The following JMY variants were observed in gnomAD, a reference collection of about 807,000 sequenced individuals.
JMY encodes junction mediating and regulatory protein, p53 cofactor, also known as junction-mediating and -regulatory protein.
A neutral mutation model predicts 103.3 loss-of-function variants in JMY; 46 were observed. The observed-to-expected ratio is 0.45, with a 90% confidence interval of 0.35 to 0.57. JMY has a LOEUF of 0.57. Among genes scored for constraint, JMY ranks in the 20% least tolerant of loss-of-function variants. The pLI, the probability that JMY is intolerant of heterozygous loss-of-function variation, is 0.00. For synonymous variants in JMY, 526 were observed against 489.3 expected (o/e 1.07, Z -0.99); for missense variants, 1,238 against 1,255.2 (o/e 0.99, Z 0.21).
Position 79,299,089 on chromosome 5 carries a change from C to T in JMY, c.1528-1064C>T, listed in dbSNP as rs375217466. On this transcript the variant is annotated intron_variant, in intron 4 of 10. Transcript: ENST00000396137. Reference sequence around the variant, plus strand: ...CTCTTAATAATTTTCCCTTTTGTTCCTCTCGTCTCCTCCTTTGAAGGTCAC... The same window carrying T: ...CTCTTAATAATTTTCCCTTTTGTTCTTCTCGTCTCCTCCTTTGAAGGTCAC... 1.3e-4 allele frequency among the ~76,000 whole-genome samples: 20 copies of T among 152,300 alleles called. 1 individual carries two copies. The highest frequency in any genetic ancestry group is 5.9e-4 in the Admixed American group (9 of 15,302).
intron 1 of JMY, among the ~76,000 whole-genome samples, chr5:79,240,014 T>C (rs1027968926): frequency 1.1e-4 from 16 of 151,682 alleles, no homozygotes; most frequent in Admixed American, 5.3e-4. Flanking sequence ...ATTATACTTT[T>C]TTTCTTTCTT....
intron 10 of JMY, among the ~76,000 whole-genome samples, chr5:79,318,281 C>T (rs1747307117): frequency 1.3e-5 from 2 of 151,860 alleles, no homozygotes; most frequent in South Asian, 4.2e-4. Context: ...TCCCAAAGTG[C>T]TGGGATTACA....
intron 2 of JMY, among the ~76,000 whole-genome samples, chr5:79,286,276 ATCC>A (rs775285156): frequency 2.6e-5 from 4 of 152,218 alleles, no homozygotes; most frequent in Non-Finnish European, 4.4e-5. Flanking sequence ...AAAGACATTA[ATCC>A]ACAACAAAGT....
intron 1 of JMY, among the ~76,000 whole-genome samples, chr5:79,277,379 C>T (rs545487648): frequency 6.6e-6 from 1 of 151,758 alleles, no homozygotes; most frequent in Non-Finnish European, 1.5e-5. Flanking sequence ...GTAATCTTAG[C>T]ACTTTGGGAG....
intron 1 of JMY, among the ~76,000 whole-genome samples, chr5:79,260,013 C>T (rs1208978216): frequency 6.6e-6 from 1 of 152,212 alleles, no homozygotes; most frequent in Non-Finnish European, 1.5e-5. Flanking sequence ...CCCTCAGTGC[C>T]CGACTGTACT....
At chr5:79,293,242 C>T (rs367735884) in intron 4 of JMY, among the ~76,000 whole-genome samples, 39 of 152,086 alleles carry the variant, frequency 2.6e-4, no homozygotes, top group African/African-American at 9.4e-4. Flanking sequence ...TTGCCACAAG[C>T]GTAATACCAT....
chr5:79,246,082 T>C (rs943962144), intron 1 of JMY, among the ~76,000 whole-genome samples: 4 of 152,222 alleles, frequency 2.6e-5, no homozygotes, highest in African/African-American at 9.6e-5. Context: ...TGTGTGTTTA[T>C]CCTTACATCC....
At chr5:79,320,965 A>G (rs1747429979) in intron 10 of JMY, among the ~76,000 whole-genome samples, 1 of 152,234 alleles carries the variant, frequency 6.6e-6, no homozygotes, top group East Asian at 1.9e-4. Context: ...GAAAAATAGT[A>G]CTTACTGTTT....
intron 1 of JMY, among the ~76,000 whole-genome samples, chr5:79,269,091 C>A (rs1430395940): frequency 6.7e-6 from 1 of 149,620 alleles, no homozygotes; most frequent in Non-Finnish European, 1.5e-5. Flanking sequence ...GCTGGATTTT[C>A]TTCCATGTTA....
In JMY at chr5:79,308,901, T is replaced by C. The variant is rs547657935; in HGVS notation, c.1968+2440T>C. ...TCATAAAGATCTTGTACACCTTTTGTAAGATTTATACCTAAGATACCTAAG... is the reference window on the plus strand; with the variant it reads ...TCATAAAGATCTTGTACACCTTTTGCAAGATTTATACCTAAGATACCTAAG... On this transcript the variant is annotated intron_variant, in intron 7 of 10. Coordinates refer to ENST00000396137, the MANE Select transcript of JMY (RefSeq NM_152405.5). 2.8e-3 allele frequency among the ~76,000 whole-genome samples: 434 copies of C among 152,288 alleles called. 1 individual carries two copies. The highest frequency in any genetic ancestry group is 3.9e-3 in the Non-Finnish European group (265 of 68,004).
chr5:79,264,613 T>C (rs1745526279), intron 1 of JMY, among the ~76,000 whole-genome samples: 1 of 152,116 alleles, frequency 6.6e-6, no homozygotes, highest in Admixed American at 6.5e-5. Flanking sequence ...TTAATGGCCA[T>C]TGCATTAAGG....
chr5:79,305,754 T>A lies in JMY; in HGVS notation c.1882-621T>A, dbSNP rs551285521. 8.5e-5 allele frequency among the ~76,000 whole-genome samples: 13 copies of A among 152,336 alleles called. No individual in the cohort carries two copies. In the East Asian group the frequency reaches 1.9e-3, roughly 23 times the overall value. ...TTCCAGGTCTCTTGCAGCTCTTATG[T>A]CTGCGACCAAAAGATTCAGATCTCA... On this transcript the variant is annotated intron_variant, in intron 6 of 10. Transcript: ENST00000396137.
chr5:79,318,804 G>GAGAGAGAGAGA (rs1580377765), intron 10 of JMY, among the ~76,000 whole-genome samples: 1 of 15,608 alleles, frequency 6.4e-5, no homozygotes, highest in African/African-American at 3.5e-4. Flanking sequence ...AGAGAGAGAG[G>GAGAGAGAGAGA]GATGCATATC....
intron 1 of JMY, among the ~76,000 whole-genome samples, chr5:79,254,455 G>GC (rs1278808159): frequency 5.3e-5 from 8 of 152,172 alleles, no homozygotes; most frequent in Non-Finnish European, 7.4e-5. Flanking sequence ...TTTTCTTTCA[G>GC]CACTTTATGT....
At chr5:79,266,993 G>C (rs1345434941) in intron 1 of JMY, among the ~76,000 whole-genome samples, 1 of 152,116 alleles carries the variant, frequency 6.6e-6, no homozygotes, top group African/African-American at 2.4e-5. Flanking sequence ...TGTGTCATCT[G>C]TTTTTAAAAA....
chr5:79,311,724 A>G (rs1283260503), intron 7 of JMY, among the ~76,000 whole-genome samples: 4 of 152,252 alleles, frequency 2.6e-5, no homozygotes, highest in Non-Finnish European at 5.9e-5. Context: ...ACTGCCAAAA[A>G]TAAGCTGTGA....
intron 1 of JMY, among the ~76,000 whole-genome samples, chr5:79,247,944 G>A (rs183846884): frequency 6.6e-6 from 1 of 151,190 alleles, no homozygotes; most frequent in African/African-American, 2.4e-5. Flanking sequence ...TCAGGCTGGA[G>A]TGCAGTGGCA....
chr5:79,263,274 A>G (rs1407059773), intron 1 of JMY, among the ~76,000 whole-genome samples: 1 of 152,248 alleles, frequency 6.6e-6, no homozygotes, highest in East Asian at 1.9e-4. Context: ...CCTAAAAGGA[A>G]GAGGCTGAGG....
chr5:79,250,182 G>A (rs1284293999), intron 1 of JMY, among the ~76,000 whole-genome samples: 1 of 152,154 alleles, frequency 6.6e-6, no homozygotes, highest in Non-Finnish European at 1.5e-5. Context: ...AATGGAAGCT[G>A]GTGCTGTACA....
Sources: gnomAD v4.1 joint callset for allele counts (sites outside exome capture counted in the v4.1 genomes callset) on GRCh38, gnomAD v4.1.1 for gene constraint, MANE v1.5 for transcripts, NCBI Gene and HGNC (gene_info 2026-07-23, HGNC 2026-07-21) for gene names.